Variants in LRRC4C observed in about 807,000 individuals in gnomAD.
LRRC4C encodes leucine-rich repeat-containing protein 4C.
LRRC4C carries 5 observed loss-of-function variants against 33.6 expected under a neutral mutation model. The ratio of observed to expected loss-of-function variants is 0.15; its 90% CI spans 0.08 to 0.31. The LOEUF is 0.31. LRRC4C is among the 10% of genes least tolerant of loss of function. The pLI, the probability that LRRC4C is intolerant of heterozygous loss-of-function variation, is 1.00. For synonymous variants in LRRC4C, 329 were observed against 302.0 expected (o/e 1.09, Z -0.93); for missense variants, 560 against 796.7 (o/e 0.70, Z 3.58).
At chr11:40,702,589 C>T (rs186668494) in intron 2 of LRRC4C, among the ~76,000 whole-genome samples, 15 of 152,158 alleles carry the variant, frequency 9.9e-5, no homozygotes, top group Admixed American at 1.3e-4. Flanking sequence ...AACAAGATGG[C>T]GTCCATGTTT....
intron 2 of LRRC4C, among the ~76,000 whole-genome samples, chr11:40,905,728 T>C (rs1373835826): frequency 2.6e-5 from 4 of 152,206 alleles, no homozygotes; most frequent in Non-Finnish European, 1.5e-5. Context: ...CAGGGCCTTA[T>C]TCCTGGCCAC....
rs992015495 is a variant in LRRC4C at position 40,775,225 on chromosome 11, A to G, written c.-406-126947T>C. Among the ~76,000 whole-genome samples the G allele has an allele frequency of 3.9e-5, 6 of 152,096 alleles. No individual in the cohort carries two copies. The East Asian group carries it at 7.8e-4, about 20-fold the overall frequency. ...GGAGATCGAGACCATCCTGGCTAACATGGTGAAACCCCATCTTTACTAAAA... is the reference window on the plus strand; with the variant it reads ...GGAGATCGAGACCATCCTGGCTAACGTGGTGAAACCCCATCTTTACTAAAA... On this transcript the variant is annotated intron_variant, in intron 2 of 6. Coordinates refer to ENST00000528697, the MANE Select transcript of LRRC4C (RefSeq NM_001258419.2).
chr11:40,539,109 A>C (rs1956599506), intron 3 of LRRC4C, among the ~76,000 whole-genome samples: 2 of 152,126 alleles, frequency 1.3e-5, no homozygotes, highest in South Asian at 4.1e-4. Context: ...AAGCTTTTTC[A>C]GTGGTCATAT....
chr11:40,407,991 T>C (rs1464344201), intron 3 of LRRC4C, among the ~76,000 whole-genome samples: 4 of 151,988 alleles, frequency 2.6e-5, no homozygotes, highest in African/African-American at 9.7e-5. Context: ...TGCAGATAAT[T>C]CATTATCAGT....
At chr11:40,349,189 T>G (rs1295512410) in intron 3 of LRRC4C, among the ~76,000 whole-genome samples, 1 of 152,128 alleles carries the variant, frequency 6.6e-6, no homozygotes. Flanking sequence ...TTTTAATCCA[T>G]TAATCATCCC....
chr11:40,402,139 A>T (rs1460612266), intron 3 of LRRC4C, among the ~76,000 whole-genome samples: 1 of 152,114 alleles, frequency 6.6e-6, no homozygotes, highest in Admixed American at 6.6e-5. Context: ...GGGTTCAAAG[A>T]CATGTCTAAA....
intron 2 of LRRC4C, among the ~76,000 whole-genome samples, chr11:40,716,301 G>C (rs1048480122): frequency 6.6e-6 from 1 of 151,962 alleles, no homozygotes; most frequent in Admixed American, 6.6e-5. Context: ...ATTCTTCATA[G>C]TTTACACATG....
chr11:40,654,295 CACAG>C (rs1359100152), intron 2 of LRRC4C, among the ~76,000 whole-genome samples: 1 of 152,124 alleles, frequency 6.6e-6, no homozygotes, highest in Non-Finnish European at 1.5e-5. Context: ...TGGGAAAAGC[CACAG>C]ACACTCAATC....
intron 2 of LRRC4C, among the ~76,000 whole-genome samples, chr11:40,915,682 C>G (rs2051534075): frequency 6.6e-6 from 1 of 152,234 alleles, no homozygotes; most frequent in African/African-American, 2.4e-5. Context: ...CAACAAAAGC[C>G]AAAATTGACA....
intron 1 of LRRC4C, among the ~76,000 whole-genome samples, chr11:40,993,075 A>T (rs1268597924): frequency 6.6e-6 from 1 of 152,176 alleles, no homozygotes; most frequent in Non-Finnish European, 1.5e-5. Flanking sequence ...AAAATAAAAT[A>T]ATAATTTTAG....
chr11:41,054,666 T>C (rs980664473), intron 1 of LRRC4C, among the ~76,000 whole-genome samples: 17 of 152,190 alleles, frequency 1.1e-4, no homozygotes, highest in African/African-American at 3.6e-4. Flanking sequence ...AACTTATCTT[T>C]TGGGTTGATT....
intron 4 of LRRC4C, among the ~76,000 whole-genome samples, chr11:40,309,054 T>A (rs1321494578): frequency 6.6e-6 from 1 of 152,224 alleles, no homozygotes; most frequent in African/African-American, 2.4e-5. Context: ...CCTTAATGGT[T>A]TGTTCACACC....
At chr11:40,401,208 C>A (rs1949746135) in intron 3 of LRRC4C, among the ~76,000 whole-genome samples, 1 of 151,904 alleles carries the variant, frequency 6.6e-6, no homozygotes, top group African/African-American at 2.4e-5. Flanking sequence ...GGCTTGGCAT[C>A]AGTATACAAT....
At chr11:40,525,247 C>G (rs1955994433) in intron 3 of LRRC4C, among the ~76,000 whole-genome samples, 1 of 152,060 alleles carries the variant, frequency 6.6e-6, no homozygotes, top group African/African-American at 2.4e-5. Flanking sequence ...GAGATCGAGA[C>G]CATCCTGGCT....
chr11:41,174,117 G>T (rs2136111305), intron 1 of LRRC4C, among the ~76,000 whole-genome samples: 1 of 151,710 alleles, frequency 6.6e-6, no homozygotes, highest in East Asian at 1.9e-4. Flanking sequence ...GCTAGGCACA[G>T]GAAAAAAAAA....
chr11:40,682,072 C>T (rs1174961029), intron 2 of LRRC4C, among the ~76,000 whole-genome samples: 1 of 151,982 alleles, frequency 6.6e-6, no homozygotes, highest in Non-Finnish European at 1.5e-5. Flanking sequence ...CCAAATACCA[C>T]CTGCACCCCA....
chr11:40,814,110 G>T (rs1426397282), intron 2 of LRRC4C, among the ~76,000 whole-genome samples: 1 of 152,144 alleles, frequency 6.6e-6, no homozygotes, highest in African/African-American at 2.4e-5. Flanking sequence ...CTGTGTGGGG[G>T]CTCCAACCCC....
intron 1 of LRRC4C, among the ~76,000 whole-genome samples, chr11:41,124,621 A>G (rs1942649098): frequency 6.6e-6 from 1 of 152,124 alleles, no homozygotes; most frequent in African/African-American, 2.4e-5. Flanking sequence ...CTATAAACAT[A>G]GACAGTCATT....
intron 2 of LRRC4C, among the ~76,000 whole-genome samples, chr11:40,874,192 G>A (rs1954776192): frequency 6.6e-6 from 1 of 152,112 alleles, no homozygotes; most frequent in African/African-American, 2.4e-5. Context: ...TATTGCACTG[G>A]GGTTTTCTTT....
Sources: allele counts gnomAD v4.1 joint callset (sites outside exome capture counted in the v4.1 genomes callset), GRCh38; gene constraint gnomAD v4.1.1; transcripts MANE v1.5; gene names NCBI Gene and HGNC (gene_info 2026-07-23, HGNC 2026-07-21).